GLDN: variants seen among roughly 807,000 people sequenced by gnomAD.
GLDN encodes collomin.
GLDN carries 47 observed loss-of-function variants against 56.5 expected under a neutral mutation model. The observed-to-expected ratio is 0.83, with a 90% CI of 0.66 to 1.06. The LOEUF is 1.06. Ranked by LOEUF, GLDN falls within the 50% of genes least tolerant of loss-of-function variation. The probability of loss-of-function intolerance (pLI) is 0.00; values close to 1 mark genes in which losing one functional copy is unlikely to be tolerated. For missense variants in GLDN, 782 were observed against 714.3 expected (o/e 1.09, Z -1.08); for synonymous variants, 332 against 278.8 (o/e 1.19, Z -1.90).
chr15:51,397,852 C>T (rs1021882622), intron 6 of GLDN, among the ~76,000 whole-genome samples: 1 of 152,182 alleles, frequency 6.6e-6, no homozygotes, highest in Admixed American at 6.5e-5. Flanking sequence ...ACCAGCAGAC[C>T]AGTCCTCCTC....
At chr15:51,390,913 C>T (rs1030314651) in intron 4 of GLDN, among the ~76,000 whole-genome samples, 1 of 152,234 alleles carries the variant, frequency 6.6e-6, no homozygotes, top group Non-Finnish European at 1.5e-5. Flanking sequence ...CTGTGCACGG[C>T]TAGCATCCCT....
At chr15:51,364,411 G>A (rs530213878) in intron 1 of GLDN, among the ~76,000 whole-genome samples, 25 of 152,160 alleles carry the variant, frequency 1.6e-4, no homozygotes, top group African/African-American at 6.0e-4. Context: ...ACAGGCTCTC[G>A]CTCTGTCACC....
chr15:51,380,785 C>T (rs8033404), intron 2 of GLDN, among the ~76,000 whole-genome samples: 15,560 of 152,174 alleles, frequency 0.1, 1,605 homozygotes, highest in African/African-American at 0.26. Context: ...TCTTCCATCC[C>T]CAATTCTAGC....
At position 51,404,486 on chromosome 15, in the gene GLDN, T is replaced by A. The variant is rs1202542444; in HGVS notation, c.1388T>A (p.Val463Asp). The A allele has an allele frequency of 6.2e-7, 1 of 1,614,142 alleles. No homozygotes were observed. The highest frequency in any genetic ancestry group is 8.5e-7 in the Non-Finnish European group (1 of 1,180,034). Residue 463 changes from valine to aspartate, a missense_variant, in exon 10 of 10, where the codon GTC becomes GAC. Physicochemically the swap from Val to Asp is radical, Grantham distance 152. Coordinates refer to ENST00000335449, the MANE Select transcript of GLDN (RefSeq NM_181789.4). Reference sequence around the variant, plus strand: ...AGGACATTCTCAGTGGTGCAACACGTCAATACCACGTACCCTAAATCCAAG... The same window carrying A: ...AGGACATTCTCAGTGGTGCAACACGACAATACCACGTACCCTAAATCCAAG... ...DERTFSVVQHVNTTYPKSKAG... is the reference protein window; with the variant it reads ...DERTFSVVQHDNTTYPKSKAG...
Position 51,400,242 on chromosome 15 carries a change from G to A in GLDN, c.868G>A (p.Glu290Lys). 2.5e-6 allele frequency: 4 copies of A among 1,614,182 alleles called. No homozygotes were observed. Among genetic ancestry groups the A allele is most frequent in the Non-Finnish European group, 3.4e-6 (4 of 1,180,026 alleles). ...TGATACCTTGGTTGGAAAAGCTGATGAGAAAGCCAGTGAACACCATTCCCC... is the reference window on the plus strand; with the variant it reads ...TGATACCTTGGTTGGAAAAGCTGATAAGAAAGCCAGTGAACACCATTCCCC... ...NDDTLVGKAD[E>K]KASEHHSPQA... Residue 290 changes from glutamate (E) to lysine (K), a missense_variant, in exon 7 of 10, where the codon GAG becomes AAG. Glu to Lys is a moderately conservative substitution (Grantham distance 56). Coordinates refer to ENST00000335449, the MANE Select transcript of GLDN (RefSeq NM_181789.4).
At chr15:51,377,331 C>T (rs761789414) in intron 1 of GLDN, 118 bp from the exon 2 acceptor site, 25 of 761,612 alleles carry the variant, frequency 3.3e-5, no homozygotes, top group Middle Eastern at 4.7e-4. Context: ...TGAACTTCCG[C>T]GGGTTCTCCT....
chr15:51,359,113 A>T (rs1443885515), intron 1 of GLDN, among the ~76,000 whole-genome samples: 1 of 152,186 alleles, frequency 6.6e-6, no homozygotes. Context: ...AAAGATAGTC[A>T]AGGAACCAAA....
At chr15:51,377,582 A>C (rs1165891767) in intron 2 of GLDN, 82 bp downstream of exon 2, 6 of 964,218 alleles carry the variant, frequency 6.2e-6, no homozygotes, top group Middle Eastern at 2.5e-4. Context: ...ACGCCTAGGG[A>C]CACTTTGTTA....
At position 51,377,440 on chromosome 15, in the gene GLDN, C is replaced by G; in HGVS notation, c.364-9C>G. On this transcript the variant is annotated splice_polypyrimidine_tract_variant and intron_variant, in intron 1 of 9. Transcript: ENST00000335449. ...ACTGTCTGCTCTGATGACCCTCTCTCCCCTGCAGATCCGAGTGATGGTGGA... is the reference window on the plus strand; with the variant it reads ...ACTGTCTGCTCTGATGACCCTCTCTGCCCTGCAGATCCGAGTGATGGTGGA... The G allele has an allele frequency of 3.1e-6, 5 of 1,613,104 alleles. No individual in the cohort carries two copies. The highest frequency in any genetic ancestry group is 4.2e-6 in the Non-Finnish European group (5 of 1,179,066).
chr15:51,409,820 C>T (rs1785312134), downstream of GLDN, among the ~76,000 whole-genome samples: 1 of 152,202 alleles, frequency 6.6e-6, no homozygotes, highest in African/African-American at 2.4e-5. Context: ...TTTATGTTTT[C>T]CACCTCATCC....
chr15:51,378,176 G>C (rs1016600661), intron 2 of GLDN, among the ~76,000 whole-genome samples: 1 of 152,216 alleles, frequency 6.6e-6, no homozygotes, highest in Admixed American at 6.5e-5. Flanking sequence ...ATATGGGTAT[G>C]TGAATGGAGG....
At chr15:51,410,266 A>G (rs1396020562), downstream of GLDN, among the ~76,000 whole-genome samples, 1 of 152,180 alleles carries the variant, frequency 6.6e-6, no homozygotes, top group Non-Finnish European at 1.5e-5. Context: ...ACTGCGATGC[A>G]CTCACAACTT....
chr15:51,404,859 T>C lies in GLDN; in HGVS notation c.*105T>C, dbSNP rs2038341995. ...TAACGTCAGCCAGATATTTAGAAAATAACCTCAAAAGTGTTTATATGGTCA... is the reference window on the plus strand; with the variant it reads ...TAACGTCAGCCAGATATTTAGAAAACAACCTCAAAAGTGTTTATATGGTCA... On this transcript the variant is annotated 3_prime_UTR_variant, in exon 10 of 10. Transcript: ENST00000335449. 1.5e-6 allele frequency: 1 copy of C among 688,782 alleles called. No homozygotes were observed. Among genetic ancestry groups the C allele is most frequent in the African/African-American group, 1.8e-5 (1 of 56,168 alleles). 42.7% of individuals were successfully genotyped at this position (688,782 alleles called of 1,614,324 possible). A position where few individuals can be genotyped will look rare whatever the true frequency, so the allele number is the denominator to read the frequency against.
intron 1 of GLDN, among the ~76,000 whole-genome samples, chr15:51,356,859 A>G (rs920598604): frequency 6.6e-6 from 1 of 152,218 alleles, no homozygotes; most frequent in Non-Finnish European, 1.5e-5. Flanking sequence ...AAATGCTGCC[A>G]TTCTGTGTTT....
rs528005841 is a variant in GLDN, at chr15:51,357,170, T to C, written c.363+15123T>C. ...AGGTCCCCTTCCACCACATGGAAGC[T>C]TTACTTTAGCTTTCGCTTTCCTTTC... On this transcript the variant is annotated intron_variant, in intron 1 of 9. Transcript: ENST00000335449. Among the ~76,000 whole-genome samples, 7 of 152,354 alleles carry C rather than the reference T, an allele frequency of 4.6e-5. 1 individual carries two copies. The South Asian group carries it at 1.5e-3, about 32-fold the overall frequency.
At position 51,405,753 on chromosome 15, in the gene GLDN, G is replaced by A. The variant is rs1040151619; in HGVS notation, c.*999G>A. 2 of 152,238 alleles carry A rather than the reference G, an allele frequency of 1.3e-5. No homozygotes were observed. Among genetic ancestry groups the A allele is most frequent in the Non-Finnish European group, 2.9e-5 (2 of 68,046 alleles). The allele number at this position is 152,238 out of a possible 1,614,324, so 9.4% of individuals were successfully genotyped here. A position where few individuals can be genotyped will look rare whatever the true frequency, so the allele number is the denominator to read the frequency against. ...CATGGGAAGCACTTTGCAGTGTTCA[G>A]AAGAGAGGCTCCATTTGTGGCTATT... is the stretch of plus-strand genomic sequence containing the variant. On this transcript the variant is annotated 3_prime_UTR_variant, in exon 10 of 10. Coordinates refer to ENST00000335449, the MANE Select transcript of GLDN (RefSeq NM_181789.4).
At chr15:51,343,355 T>C (rs1202299186) in intron 1 of GLDN, among the ~76,000 whole-genome samples, 1 of 134,364 alleles carries the variant, frequency 7.4e-6, no homozygotes, top group African/African-American at 3.3e-5. Flanking sequence ...TGCTATAAGA[T>C]GAAAAAAACC....
At position 51,377,512 on chromosome 15, in the gene GLDN, G is replaced by A. The variant is rs190060632; in HGVS notation, c.415+12G>A. 9 of 1,611,332 alleles carry A rather than the reference G, an allele frequency of 5.6e-6. No homozygotes were observed. Among genetic ancestry groups the A allele is most frequent in the African/African-American group, 4.0e-5 (3 of 74,974 alleles). On this transcript the variant is annotated intron_variant, in intron 2 of 9. Coordinates refer to ENST00000335449, the MANE Select transcript of GLDN (RefSeq NM_181789.4). Reference sequence around the variant, plus strand: ...CATCTGCCTCACAGGTAGGCTGGCCGCTGAGCAGAGCCGCTCACACAACAA... The same window carrying A: ...CATCTGCCTCACAGGTAGGCTGGCCACTGAGCAGAGCCGCTCACACAACAA...
intron 1 of GLDN, among the ~76,000 whole-genome samples, chr15:51,372,508 C>T (rs1351520648): frequency 1.3e-5 from 2 of 152,162 alleles, no homozygotes; most frequent in East Asian, 1.9e-4. Flanking sequence ...CCTGAGCTCT[C>T]GGGGCTACTG....
Sources: gnomAD v4.1 joint callset for allele counts (sites outside exome capture counted in the v4.1 genomes callset) on GRCh38, gnomAD v4.1.1 for gene constraint, MANE v1.5 for transcripts, NCBI Gene and HGNC (gene_info 2026-07-23, HGNC 2026-07-21) for gene names.